NALF1: variants seen among roughly 807,000 people sequenced by gnomAD.
The protein encoded by NALF1 is NALCN channel auxiliary factor 1, also known as family with sequence similarity 155 member A.
In NALF1, 3 loss-of-function variants were observed where a neutral mutation model predicts 48.4. The observed-to-expected ratio is 0.06, with a 90% CI of 0.03 to 0.16. NALF1 has a LOEUF of 0.16. Ranked by LOEUF, NALF1 falls within the 10% of genes least tolerant of loss-of-function variation. The probability of loss-of-function intolerance (pLI) is 1.00; values close to 1 mark genes in which losing one functional copy is unlikely to be tolerated. For synonymous variants in NALF1, 262 were observed against 245.7 expected (o/e 1.07, Z -0.62); for missense variants, 526 against 571.5 (o/e 0.92, Z 0.81).
At chr13:107,408,459 A>G (rs1883936713) in intron 1 of NALF1, among the ~76,000 whole-genome samples, 1 of 152,010 alleles carries the variant, frequency 6.6e-6, no homozygotes, top group Admixed American at 6.6e-5. Context: ...CTCTTGGGTT[A>G]TCCATGTGTT....
chr13:107,210,813 G>A (rs534794656), intron 1 of NALF1, 58 bp from the exon 2 acceptor site: 2 of 1,226,718 alleles, frequency 1.6e-6, no homozygotes, highest in South Asian at 2.5e-5. Context: ...CAGTGATAGA[G>A]GCACTGTGAG....
chr13:107,667,144 A>G (rs978988760), intron 1 of NALF1, among the ~76,000 whole-genome samples: 3 of 152,096 alleles, frequency 2.0e-5, no homozygotes, highest in African/African-American at 7.2e-5. Flanking sequence ...ATTGCTCAAT[A>G]AATGCACCCT....
intron 2 of NALF1, among the ~76,000 whole-genome samples, chr13:107,189,139 T>A (rs1304950846): frequency 6.6e-6 from 1 of 152,228 alleles, no homozygotes; most frequent in Non-Finnish European, 1.5e-5. Flanking sequence ...AGTTGAGGAA[T>A]AAATTGGGCA....
At chr13:107,805,894 C>A (rs533999596) in intron 1 of NALF1, among the ~76,000 whole-genome samples, 1 of 152,004 alleles carries the variant, frequency 6.6e-6, no homozygotes, top group South Asian at 2.1e-4. Flanking sequence ...CACAAAATCA[C>A]GGAAAAAATA....
intron 1 of NALF1, among the ~76,000 whole-genome samples, chr13:107,277,909 C>T (rs561083984): frequency 3.3e-5 from 5 of 152,302 alleles, no homozygotes; most frequent in Non-Finnish European, 5.9e-5. Context: ...CTGCGTTCTC[C>T]CACAAATCCT....
At chr13:107,783,223 C>A (rs548839534) in intron 1 of NALF1, among the ~76,000 whole-genome samples, 1 of 132,186 alleles carries the variant, frequency 7.6e-6, no homozygotes, top group South Asian at 2.6e-4. Context: ...CCAGCCGCCC[C>A]GTCCGGGAGG....
chr13:107,464,465 A>AT (rs1884967576), intron 1 of NALF1, among the ~76,000 whole-genome samples: 1 of 152,076 alleles, frequency 6.6e-6, no homozygotes, highest in Non-Finnish European at 1.5e-5. Context: ...TTTTATATGG[A>AT]TTTTTTGTGT....
At chr13:107,565,722 G>A (rs1364644180) in intron 1 of NALF1, among the ~76,000 whole-genome samples, 1 of 152,144 alleles carries the variant, frequency 6.6e-6, no homozygotes. Flanking sequence ...GTGTATGAGT[G>A]TATCAGTCTC....
intron 1 of NALF1, among the ~76,000 whole-genome samples, chr13:107,561,358 A>T (rs1283020210): frequency 6.6e-6 from 1 of 152,178 alleles, no homozygotes; most frequent in Non-Finnish European, 1.5e-5. Context: ...GACATTTTGA[A>T]GGCCAAAAGT....
chr13:107,368,252 T>C (rs1883185980), intron 1 of NALF1, among the ~76,000 whole-genome samples: 1 of 152,124 alleles, frequency 6.6e-6, no homozygotes, highest in South Asian at 2.1e-4. Flanking sequence ...TGGCATATAA[T>C]GCCCTTTGTA....
intron 1 of NALF1, among the ~76,000 whole-genome samples, chr13:107,525,730 C>T (rs1055893467): frequency 2.0e-5 from 3 of 152,080 alleles, no homozygotes; most frequent in Admixed American, 1.3e-4. Context: ...GTGCTGTTTA[C>T]TATTTTGCTT....
chr13:107,311,036 T>C (rs1252284625), intron 1 of NALF1, among the ~76,000 whole-genome samples: 2 of 152,144 alleles, frequency 1.3e-5, no homozygotes, highest in Non-Finnish European at 2.9e-5. Flanking sequence ...GAAAAAAAGG[T>C]ATCAACTTGT....
chr13:107,215,529 T>A (rs1182787113), intron 1 of NALF1, among the ~76,000 whole-genome samples: 1 of 152,164 alleles, frequency 6.6e-6, no homozygotes, highest in African/African-American at 2.4e-5. Context: ...AAAGCTTTGG[T>A]TATAACGGCA....
At chr13:107,754,052 T>C (rs1345577891) in intron 1 of NALF1, among the ~76,000 whole-genome samples, 1 of 152,092 alleles carries the variant, frequency 6.6e-6, no homozygotes, top group Non-Finnish European at 1.5e-5. Flanking sequence ...ATAAAGAGAT[T>C]TTCTCTAATC....
intron 1 of NALF1, among the ~76,000 whole-genome samples, chr13:107,386,194 C>T (rs1298034607): frequency 6.6e-6 from 1 of 152,170 alleles, no homozygotes; most frequent in Non-Finnish European, 1.5e-5. Flanking sequence ...AGAAAAATCA[C>T]AATTCAAAGA....
intron 1 of NALF1, among the ~76,000 whole-genome samples, chr13:107,767,244 G>A (rs1361068078): frequency 6.6e-6 from 1 of 152,170 alleles, no homozygotes; most frequent in Admixed American, 6.5e-5. Flanking sequence ...TAAAGTTAAA[G>A]TCACATTGTG....
chr13:107,828,878 AC>A (rs1331269991), intron 1 of NALF1, among the ~76,000 whole-genome samples: 1 of 152,070 alleles, frequency 6.6e-6, no homozygotes, highest in African/African-American at 2.4e-5. Context: ...GCTTGGGGGG[AC>A]AGTACCAATT....
At chr13:107,851,004 A>G (rs573100362) in intron 1 of NALF1, among the ~76,000 whole-genome samples, 2 of 152,346 alleles carry the variant, frequency 1.3e-5, no homozygotes, top group East Asian at 3.9e-4. Context: ...AGGTTATAAC[A>G]ATCCTGCTTC....
At chr13:107,192,692 T>A (rs1384286487) in intron 2 of NALF1, among the ~76,000 whole-genome samples, 1 of 152,146 alleles carries the variant, frequency 6.6e-6, no homozygotes, top group Admixed American at 6.5e-5. Context: ...TCCAAGAGGG[T>A]TTGTGGCTAT....
Sources: gnomAD v4.1 joint callset for allele counts (sites outside exome capture counted in the v4.1 genomes callset) on GRCh38, gnomAD v4.1.1 for gene constraint, MANE v1.5 for transcripts, NCBI Gene and HGNC (gene_info 2026-07-23, HGNC 2026-07-21) for gene names.